Variants in RBFOX1 observed in about 807,000 individuals in gnomAD.
The protein encoded by RBFOX1 is RNA binding fox-1 homolog 1, also known as RNA binding protein fox-1 homolog 1.
RBFOX1 carries 8 observed loss-of-function variants against 57.7 expected under a neutral mutation model. The observed-to-expected ratio is 0.14, with a 90% CI of 0.08 to 0.25. The LOEUF is 0.25. Among genes scored for constraint, RBFOX1 ranks in the 10% least tolerant of loss-of-function variants. The probability of loss-of-function intolerance (pLI) is 1.00; values close to 1 mark genes in which losing one functional copy is unlikely to be tolerated. For missense variants in RBFOX1, 611 were observed against 548.5 expected (o/e 1.11, Z -1.14); for synonymous variants, 326 against 222.4 (o/e 1.47, Z -4.15).
chr16:7,156,999 T>G (rs964262168), intron 4 of RBFOX1, among the ~76,000 whole-genome samples: 1 of 152,230 alleles, frequency 6.6e-6, no homozygotes, highest in Non-Finnish European at 1.5e-5. Context: ...ACATACATCC[T>G]CTGCTGTCAG....
intron 3 of RBFOX1, among the ~76,000 whole-genome samples, chr16:6,990,451 G>C (rs771423961): frequency 6.6e-6 from 1 of 152,042 alleles, no homozygotes; most frequent in Non-Finnish European, 1.5e-5. Flanking sequence ...CTTGAACCTG[G>C]GAGTTGGAGT....
chr16:6,742,658 C>T (rs965352348), intron 3 of RBFOX1, among the ~76,000 whole-genome samples: 1 of 152,120 alleles, frequency 6.6e-6, no homozygotes, highest in African/African-American at 2.4e-5. Flanking sequence ...GCAATAAAAA[C>T]TGAATGAACT....
At chr16:5,347,294 A>T (rs1249379044) in intron 1 of RBFOX1, among the ~76,000 whole-genome samples, 1 of 152,182 alleles carries the variant, frequency 6.6e-6, no homozygotes, top group Admixed American at 6.5e-5. Context: ...GTATATGTGC[A>T]TGTAGAAGTG....
intron 2 of RBFOX1, among the ~76,000 whole-genome samples, chr16:5,586,870 G>T (rs769009826): frequency 6.6e-6 from 1 of 152,224 alleles, no homozygotes; most frequent in African/African-American, 2.4e-5. Context: ...GACCAGGACA[G>T]TATCCTTGAA....
chr16:5,539,183 G>A (rs900244233), intron 2 of RBFOX1, among the ~76,000 whole-genome samples: 2 of 152,176 alleles, frequency 1.3e-5, no homozygotes, highest in African/African-American at 4.8e-5. Context: ...TGCTGGGAGA[G>A]AATGGGTCCA....
chr16:6,923,883 C>A (rs118006455), intron 3 of RBFOX1, among the ~76,000 whole-genome samples: 1 of 151,954 alleles, frequency 6.6e-6, no homozygotes, highest in Admixed American at 6.6e-5. Context: ...TAAAGAAATA[C>A]CTGAAGGTCA....
chr16:7,573,348 A>T (rs899793855), intron 5 of RBFOX1, among the ~76,000 whole-genome samples: 3 of 152,136 alleles, frequency 2.0e-5, no homozygotes, highest in Non-Finnish European at 2.9e-5. Flanking sequence ...TAGAGAGCCA[A>T]TGACGATCCA....
chr16:7,446,863 A>G (rs1186595044), intron 4 of RBFOX1, among the ~76,000 whole-genome samples: 3 of 119,074 alleles, frequency 2.5e-5, no homozygotes, highest in Admixed American at 1.2e-4. Flanking sequence ...CCCAGGCTGC[A>G]GTGCAGGAGT....
rs188458625 is a variant in RBFOX1, at chr16:5,640,750, G to A, written c.318+41789G>A. Reference sequence around the variant, plus strand: ...TAGAAACCCATGCACATACACACATGTACACCATGGATACACACAGGCACA... The same window carrying A: ...TAGAAACCCATGCACATACACACATATACACCATGGATACACACAGGCACA... On this transcript the variant is annotated intron_variant, in intron 3 of 19. Coordinates refer to the RBFOX1 transcript ENST00000641259. Among the ~76,000 whole-genome samples the A allele has an allele frequency of 2.0e-4, 30 of 147,152 alleles. No homozygotes were observed. In the East Asian group the frequency reaches 5.1e-3, roughly 25 times the overall value.
At chr16:6,574,651 A>G (rs1261465303) in intron 2 of RBFOX1, among the ~76,000 whole-genome samples, 2 of 144,984 alleles carry the variant, frequency 1.4e-5, no homozygotes, top group Non-Finnish European at 3.0e-5. Flanking sequence ...GATGGTCTCG[A>G]TCTCCTGACC....
intron 3 of RBFOX1, among the ~76,000 whole-genome samples, chr16:6,977,194 A>G (rs973716229): frequency 2.1e-5 from 3 of 144,166 alleles, no homozygotes; most frequent in African/African-American, 2.6e-5. Context: ...TATATCACAT[A>G]TATATGTTTT....
At chr16:7,370,534 A>C (rs977953795) in intron 4 of RBFOX1, among the ~76,000 whole-genome samples, 1 of 151,344 alleles carries the variant, frequency 6.6e-6, no homozygotes, top group African/African-American at 2.4e-5. Flanking sequence ...CTCCCTCCCC[A>C]CTCTTTTTAA....
At chr16:6,972,919 T>A (rs1188550692) in intron 3 of RBFOX1, among the ~76,000 whole-genome samples, 1 of 151,810 alleles carries the variant, frequency 6.6e-6, no homozygotes, top group South Asian at 2.1e-4. Flanking sequence ...AGGTCAGGAG[T>A]TCGAGGCCAA....
chr16:6,377,461 G>C (rs905646167), intron 2 of RBFOX1, among the ~76,000 whole-genome samples: 3 of 152,138 alleles, frequency 2.0e-5, no homozygotes, highest in African/African-American at 7.2e-5. Context: ...GTACAAGGCA[G>C]TACACATTTA....
At chr16:6,900,235 C>T (rs148468803) in intron 3 of RBFOX1, among the ~76,000 whole-genome samples, 22 of 152,224 alleles carry the variant, frequency 1.4e-4, no homozygotes, top group Non-Finnish European at 2.8e-4. Context: ...TATTTAAGCA[C>T]GTTCAAACAT....
chr16:6,567,620 T>C (rs1312942849), intron 2 of RBFOX1, among the ~76,000 whole-genome samples: 11 of 152,182 alleles, frequency 7.2e-5, no homozygotes, highest in Non-Finnish European at 1.6e-4. Flanking sequence ...AAGGACCTTG[T>C]CTCTTTCATT....
chr16:6,478,043 A>G (rs930869787), intron 2 of RBFOX1, among the ~76,000 whole-genome samples: 3 of 152,024 alleles, frequency 2.0e-5, no homozygotes, highest in Non-Finnish European at 4.4e-5. Context: ...GGCTTAAGAG[A>G]ATGTTGTGGC....
chr16:7,393,127 G>C (rs2098071436), intron 4 of RBFOX1, among the ~76,000 whole-genome samples: 1 of 152,164 alleles, frequency 6.6e-6, no homozygotes, highest in Non-Finnish European at 1.5e-5. Flanking sequence ...GCCTGCCTCA[G>C]CCTCCTAAAG....
chr16:7,157,615 T>C (rs1304796624), intron 4 of RBFOX1, among the ~76,000 whole-genome samples: 1 of 152,092 alleles, frequency 6.6e-6, no homozygotes, highest in Non-Finnish European at 1.5e-5. Context: ...GAATTTCAAA[T>C]ATCATTGGTT....
Sources: allele counts gnomAD v4.1 joint callset (sites outside exome capture counted in the v4.1 genomes callset), GRCh38; gene constraint gnomAD v4.1.1; transcripts MANE v1.5; gene names NCBI Gene and HGNC (gene_info 2026-07-23, HGNC 2026-07-21).